The following CNTNAP2 variants were observed in gnomAD, a reference collection of about 807,000 sequenced individuals.
The protein encoded by CNTNAP2 is contactin associated protein 2.
A neutral mutation model predicts 155.2 loss-of-function variants in CNTNAP2; 98 were observed. That is an observed-to-expected ratio of 0.63 (90% CI 0.54 to 0.75). The LOEUF (loss-of-function observed/expected upper bound fraction) is 0.75. CNTNAP2 is among the 30% of genes least tolerant of loss of function. The pLI, the probability that CNTNAP2 is intolerant of heterozygous loss-of-function variation, is 0.00. For synonymous variants in CNTNAP2, 651 were observed against 631.2 expected (o/e 1.03, Z -0.47); for missense variants, 1,727 against 1,688.1 (o/e 1.02, Z -0.40).
At chr7:146,622,277 ATC>A (rs1322006681) in intron 1 of CNTNAP2, among the ~76,000 whole-genome samples, 4 of 103,390 alleles carry the variant, frequency 3.9e-5, no homozygotes, top group South Asian at 5.1e-4. Flanking sequence ...CTATCTATCT[ATC>A]TATATATATA....
chr7:147,610,587 G>T (rs1298120794), intron 12 of CNTNAP2, among the ~76,000 whole-genome samples: 1 of 152,172 alleles, frequency 6.6e-6, no homozygotes, highest in Non-Finnish European at 1.5e-5. Context: ...AAACAGGACA[G>T]TTGGGTGGGC....
chr7:147,621,744 A>G (rs1794860894), intron 12 of CNTNAP2, among the ~76,000 whole-genome samples: 1 of 152,062 alleles, frequency 6.6e-6, no homozygotes, highest in Admixed American at 6.6e-5. Flanking sequence ...CAACCAGAAA[A>G]CAAATAACAA....
At chr7:146,312,150 A>G (rs1473364470) in intron 1 of CNTNAP2, among the ~76,000 whole-genome samples, 6 of 152,216 alleles carry the variant, frequency 3.9e-5, no homozygotes, top group Admixed American at 1.3e-4. Context: ...CATTTGGGAT[A>G]AAAAGTGTTG....
Position 147,602,759 on chromosome 7 carries a change from G to A in CNTNAP2, c.1898-36347G>A, listed in dbSNP as rs1043023728. Among the ~76,000 whole-genome samples the A allele has an allele frequency of 9.2e-5, 14 of 151,472 alleles. No homozygotes were observed. The Admixed American group carries it at 9.3e-4, about 10-fold the overall frequency. On this transcript the variant is annotated intron_variant, in intron 12 of 23. Coordinates refer to ENST00000361727, the MANE Select transcript of CNTNAP2 (RefSeq NM_014141.6). ...GCAGTGCTTGGTTTTTTGTCTTTGT[G>A]ATAGTTTACTGAGAATGATGATTTC...
intron 21 of CNTNAP2, among the ~76,000 whole-genome samples, chr7:148,285,583 A>G (rs1441902717): frequency 1.3e-5 from 2 of 152,280 alleles, no homozygotes; most frequent in East Asian, 3.8e-4. Context: ...CTGGCACTAC[A>G]TTATCACTAA....
chr7:146,563,007 A>C (rs1798302939), intron 1 of CNTNAP2, among the ~76,000 whole-genome samples: 1 of 152,208 alleles, frequency 6.6e-6, no homozygotes, highest in Non-Finnish European at 1.5e-5. Flanking sequence ...AATATTACAG[A>C]CACAGATTAA....
intron 12 of CNTNAP2, among the ~76,000 whole-genome samples, chr7:147,619,981 G>C (rs915622623): frequency 6.6e-6 from 1 of 152,202 alleles, no homozygotes; most frequent in African/African-American, 2.4e-5. Flanking sequence ...GCTCAGAACA[G>C]AGAGAGACAC....
chr7:147,062,127 CAAAAAAAAAAAAAAAAAAAAAAAAAAAAA>C (rs869125044), intron 4 of CNTNAP2, among the ~76,000 whole-genome samples: 2 of 44,930 alleles, frequency 4.5e-5, no homozygotes, highest in East Asian at 1.4e-3. Context: ...GACTCCGTCT[CAAAAAAAAAAAAAAAAAAAAAAAAAAAAA>C]AAAAAAAAAA....
At chr7:147,364,849 G>C (rs1796199972) in intron 9 of CNTNAP2, among the ~76,000 whole-genome samples, 1 of 149,610 alleles carries the variant, frequency 6.7e-6, no homozygotes, top group Admixed American at 6.6e-5. Flanking sequence ...ACTCAGTCTC[G>C]GGAAAAAAAA....
At chr7:146,288,701 A>G (rs1169898573) in intron 1 of CNTNAP2, among the ~76,000 whole-genome samples, 3 of 151,804 alleles carry the variant, frequency 2.0e-5, no homozygotes, top group Non-Finnish European at 2.9e-5. Context: ...GGAAATTACA[A>G]TTACTACTGT....
intron 1 of CNTNAP2, among the ~76,000 whole-genome samples, chr7:146,236,968 T>A (rs1306457485): frequency 1.3e-5 from 2 of 152,172 alleles, no homozygotes; most frequent in African/African-American, 4.8e-5. Flanking sequence ...AGATAGCATT[T>A]GAGGGGCTTC....
chr7:148,335,418 A>T (rs1798100351), intron 21 of CNTNAP2, among the ~76,000 whole-genome samples: 1 of 152,132 alleles, frequency 6.6e-6, no homozygotes, highest in Non-Finnish European at 1.5e-5. Flanking sequence ...ATCACTGCCC[A>T]CACCTCCAGC....
intron 15 of CNTNAP2, among the ~76,000 whole-genome samples, chr7:148,024,341 T>C (rs1802340311): frequency 6.6e-6 from 1 of 152,020 alleles, no homozygotes; most frequent in African/African-American, 2.4e-5. Flanking sequence ...TCCATTGTTC[T>C]CCTCCCTATC....
intron 8 of CNTNAP2, among the ~76,000 whole-genome samples, chr7:147,148,057 AG>A (rs1330327331): frequency 1.3e-5 from 2 of 152,238 alleles, no homozygotes; most frequent in African/African-American, 4.8e-5. Flanking sequence ...ATTATAGATT[AG>A]AAAAAAGCTA....
intron 20 of CNTNAP2, among the ~76,000 whole-genome samples, chr7:148,257,713 G>A (rs1336184066): frequency 6.6e-6 from 1 of 152,144 alleles, no homozygotes; most frequent in Non-Finnish European, 1.5e-5. Flanking sequence ...AGGGGCAAGT[G>A]TCTCTTGCAT....
intron 3 of CNTNAP2, among the ~76,000 whole-genome samples, chr7:146,953,299 T>G (rs1020814656): frequency 7.2e-5 from 11 of 152,120 alleles, no homozygotes; most frequent in African/African-American, 2.6e-4. Context: ...AGAATGTATG[T>G]GTACTTAGGA....
At chr7:147,938,100 T>C (rs1404438586) in intron 14 of CNTNAP2, among the ~76,000 whole-genome samples, 5 of 152,192 alleles carry the variant, frequency 3.3e-5, no homozygotes, top group African/African-American at 1.2e-4. Flanking sequence ...TTTGACCCCA[T>C]GTCTGACTCG....
intron 13 of CNTNAP2, among the ~76,000 whole-genome samples, chr7:147,733,912 T>G (rs1052543699): frequency 3.3e-5 from 5 of 152,246 alleles, no homozygotes; most frequent in Admixed American, 6.5e-5. Flanking sequence ...AAGGAGATTT[T>G]GGGCTGAGAC....
At chr7:147,407,541 T>C in intron 10 of CNTNAP2, among the ~76,000 whole-genome samples, 1 of 140,710 alleles carries the variant, frequency 7.1e-6, no homozygotes, top group Non-Finnish European at 1.5e-5. Flanking sequence ...TTCTCTCACA[T>C]AGTTATTATA....
Sources: allele counts gnomAD v4.1 joint callset (sites outside exome capture counted in the v4.1 genomes callset), GRCh38; gene constraint gnomAD v4.1.1; transcripts MANE v1.5; gene names NCBI Gene and HGNC (gene_info 2026-07-23, HGNC 2026-07-21).